The following ZFP90 variants were observed in gnomAD, a reference collection of about 807,000 sequenced individuals.
ZFP90 encodes ZFP90 zinc finger protein.
ZFP90 carries 38 observed loss-of-function variants against 60.8 expected under a neutral mutation model. That is an observed-to-expected ratio of 0.62 (90% CI 0.48 to 0.82). ZFP90 has a LOEUF of 0.82. ZFP90 is among the 40% of genes least tolerant of loss of function. ZFP90 has a pLI of 0.00. For synonymous variants in ZFP90, 287 were observed against 264.8 expected (o/e 1.08, Z -0.82); for missense variants, 711 against 759.1 (o/e 0.94, Z 0.74).
At chr16:68,546,214 A>G (rs1443253820) in intron 2 of ZFP90, among the ~76,000 whole-genome samples, 2 of 152,230 alleles carry the variant, frequency 1.3e-5, no homozygotes, top group East Asian at 3.8e-4. Flanking sequence ...GAGCATATAT[A>G]ATATTAGAGA....
At chr16:68,546,031 C>G (rs1462596040) in intron 2 of ZFP90, among the ~76,000 whole-genome samples, 2 of 151,980 alleles carry the variant, frequency 1.3e-5, no homozygotes, top group African/African-American at 4.8e-5. Context: ...AAAAATTAGC[C>G]AGGTGTGGAG....
In ZFP90 at chr16:68,563,192, G is replaced by A; in HGVS notation, c.405G>A (p.Lys135=). ...TAGACAGGCAACAGGAAAACTGGAA[G>A]AGACATCTGGGATCAGAGGCATCCA... The part of the protein sequence containing the change: ...SQLDRQQENW[K]RHLGSEASTQ... Residue 135 remains lysine (K), a synonymous_variant, in exon 5 of 5, where the codon AAG becomes AAA. Transcript: ENST00000563169. 1 of 1,614,166 alleles carries A rather than the reference G, an allele frequency of 6.2e-7. No individual in the cohort carries two copies. The highest frequency in any genetic ancestry group is 8.5e-7 in the Non-Finnish European group (1 of 1,180,010).
chr16:68,567,049 G>A lies in ZFP90; in HGVS notation c.*2351G>A. 1 of 985,524 alleles carries A rather than the reference G, an allele frequency of 1.0e-6. No individual in the cohort carries two copies. Among genetic ancestry groups the A allele is most frequent in the Non-Finnish European group, 1.2e-6 (1 of 829,928 alleles). 61.0% of individuals were successfully genotyped at this position (985,524 alleles called of 1,614,324 possible). Reference sequence around the variant, plus strand: ...CAACAGCCATGAACCATGCACTTATGGATACCCAGCCTTTTAGGGCTACGT... The same window carrying A: ...CAACAGCCATGAACCATGCACTTATAGATACCCAGCCTTTTAGGGCTACGT... On this transcript the variant is annotated 3_prime_UTR_variant, in exon 5 of 5. Coordinates refer to ENST00000563169, the MANE Select transcript of ZFP90 (RefSeq NM_001305203.2).
rs540893953 is a variant in ZFP90 at position 68,545,709 on chromosome 16, G to A, written c.33+5884G>A. Among the ~76,000 whole-genome samples the A allele has an allele frequency of 4.2e-4, 64 of 152,326 alleles. No individual in the cohort carries two copies. The South Asian group carries it at 0.013, about 30-fold the overall frequency. ...CGGTGCCTGTAGTCCCAGCTACTCG[G>A]GAGGCTGAGGCAGAAGAATGGCATG... On this transcript the variant is annotated intron_variant, in intron 2 of 4. Coordinates refer to ENST00000563169, the MANE Select transcript of ZFP90 (RefSeq NM_001305203.2).
At chr16:68,542,514 C>T (rs1422414964) in intron 2 of ZFP90, among the ~76,000 whole-genome samples, 1 of 152,084 alleles carries the variant, frequency 6.6e-6, no homozygotes, top group African/African-American at 2.4e-5. Flanking sequence ...TCGCTTGAAC[C>T]TGGGAGGTGG....
At chr16:68,549,633 C>T (rs184699193) in intron 2 of ZFP90, among the ~76,000 whole-genome samples, 3,307 of 139,088 alleles carry the variant, frequency 0.024, 53 homozygotes, top group Middle Eastern at 0.04. Flanking sequence ...GAGCCGAGAT[C>T]GTGCCACTGC....
chr16:68,559,488 T>G (rs2091401672), intron 4 of ZFP90, among the ~76,000 whole-genome samples: 1 of 152,174 alleles, frequency 6.6e-6, no homozygotes, highest in Non-Finnish European at 1.5e-5. Context: ...GTTTTCTTCC[T>G]ATGAGAAGTA....
chr16:68,566,922 G>A lies in ZFP90; in HGVS notation c.*2224G>A, dbSNP rs1013965095. 1.0e-6 allele frequency: 1 copy of A among 985,566 alleles called. No homozygotes were observed. The highest frequency in any genetic ancestry group is 1.2e-6 in the Non-Finnish European group (1 of 829,954). 61.1% of individuals were successfully genotyped at this position (985,566 alleles called of 1,614,324 possible). On this transcript the variant is annotated 3_prime_UTR_variant, in exon 5 of 5. Transcript: ENST00000563169. ...AGTACTGGTTTGTGTTTGGTGCTTG[G>A]CCTAGATCCAGCCACCACTCTGAAA...
In ZFP90 at chr16:68,545,860, G is replaced by A. The variant is rs115764277; in HGVS notation, c.33+6035G>A. 3.8e-3 allele frequency among the ~76,000 whole-genome samples: 582 copies of A among 151,502 alleles called. 6 individuals carry two copies. The highest frequency in any genetic ancestry group is 0.013 in the African/African-American group (553 of 41,318). ...ATAAGATTCTTTTCCTTACTTTTCC[G>A]TGTTGTATTACTTTTGTTAAAGTAT... On this transcript the variant is annotated intron_variant, in intron 2 of 4. Coordinates refer to ENST00000563169, the MANE Select transcript of ZFP90 (RefSeq NM_001305203.2).
chr16:68,552,344 C>G (rs1209969355), intron 2 of ZFP90, among the ~76,000 whole-genome samples: 1 of 152,156 alleles, frequency 6.6e-6, no homozygotes, highest in Non-Finnish European at 1.5e-5. Flanking sequence ...CTTCTAGGAG[C>G]ACAGTTTGGT....
exon 3 of ZFP90, chr16:68,575,957 G>T: frequency 2.7e-6 from 1 of 373,968 alleles, no homozygotes; most frequent in Non-Finnish European, 4.7e-6. Context: ...AAAACTGTGA[G>T]AATCAGATTT....
intron 2 of ZFP90, among the ~76,000 whole-genome samples, chr16:68,550,441 A>G (rs2152064156): frequency 6.6e-6 from 1 of 152,118 alleles, no homozygotes; most frequent in South Asian, 2.1e-4. Context: ...TGTAGAGACT[A>G]GGTTTCTCCA....
chr16:68,562,419 A>G (rs976410922), intron 4 of ZFP90: 3 of 152,356 alleles, frequency 2.0e-5, no homozygotes, highest in Non-Finnish European at 4.4e-5. Flanking sequence ...TTTTTTGGTC[A>G]AAGGAGGTAA....
At chr16:68,541,962 T>C (rs1312673221) in intron 2 of ZFP90, among the ~76,000 whole-genome samples, 1 of 152,178 alleles carries the variant, frequency 6.6e-6, no homozygotes, top group Admixed American at 6.6e-5. Flanking sequence ...GGCCTGATGA[T>C]GTCCATGTGG....
intron 2 of ZFP90, 43 bp downstream of exon 2, chr16:68,539,868 A>G (rs771001634): frequency 2.4e-5 from 38 of 1,595,026 alleles, no homozygotes; most frequent in Non-Finnish European, 3.1e-5. Context: ...CCATCCATCT[A>G]TCCATCCCAT....
At chr16:68,544,863 CCTTTTTTTTTTTTTTTTTTTTTT>C (rs2091117600) in intron 2 of ZFP90, among the ~76,000 whole-genome samples, 1 of 121,502 alleles carries the variant, frequency 8.2e-6, no homozygotes, top group Non-Finnish European at 1.7e-5. Context: ...CCTGTGAACA[CCTTTTTTTTTTTTTTTTTTTTTT>C]TTTTTTTTTT....
chr16:68,539,791 G>A lies in ZFP90; in HGVS notation c.-2G>A. ...CCGGAGCCGGGCCCTGGCGAGGCAG[G>A]AATGGCCCCGAGGCCTCCGACCGCC... On this transcript the variant is annotated 5_prime_UTR_variant, in exon 2 of 5. Coordinates refer to ENST00000563169, the MANE Select transcript of ZFP90 (RefSeq NM_001305203.2). 6.2e-7 allele frequency: 1 copy of A among 1,600,270 alleles called. No homozygotes were observed. Among genetic ancestry groups the A allele is most frequent in the Admixed American group, 1.7e-5 (1 of 58,540 alleles).
Position 68,565,696 on chromosome 16 carries a change from AGAG to A in ZFP90, c.*1002_*1004del, listed in dbSNP as rs766208050. On this transcript the variant is annotated 3_prime_UTR_variant, in exon 5 of 5. Transcript: ENST00000563169. The stretch of plus-strand genomic sequence containing the variant: ...TCAATGGGAAAACAACAGAAAACTA[AGAG>A]GAGAATTTTCCCGTTAATTTTCTTG... The A allele has an allele frequency of 3.5e-5, 34 of 983,358 alleles. No homozygotes were observed. The highest frequency in any genetic ancestry group is 3.9e-5 in the Non-Finnish European group (32 of 829,654). 60.9% of individuals were successfully genotyped at this position (983,358 alleles called of 1,614,324 possible).
downstream of ZFP90, among the ~76,000 whole-genome samples, chr16:68,571,801 T>C (rs950880516): frequency 1.0e-5 from 1 of 98,300 alleles, no homozygotes; most frequent in Non-Finnish European, 2.6e-5. Context: ...TAAAAAATTG[T>C]TAAAAGAAAA....
Sources: gnomAD v4.1 joint callset for allele counts (sites outside exome capture counted in the v4.1 genomes callset) on GRCh38, gnomAD v4.1.1 for gene constraint, MANE v1.5 for transcripts, NCBI Gene and HGNC (gene_info 2026-07-23, HGNC 2026-07-21) for gene names.